The following CCDC141 variants were observed in gnomAD, a reference collection of about 807,000 sequenced individuals.
The protein encoded by CCDC141 is coiled-coil domain containing 141, also known as coiled-coil domain-containing protein 141.
CCDC141 carries 168 observed loss-of-function variants against 181.0 expected under a neutral mutation model. That is an observed-to-expected ratio of 0.93 (90% CI 0.82 to 1.05). The LOEUF (loss-of-function observed/expected upper bound fraction) is 1.05. Ranked by LOEUF, CCDC141 falls within the 50% of genes least tolerant of loss-of-function variation. The pLI is 0.00. For synonymous variants in CCDC141, 666 were observed against 642.3 expected (o/e 1.04, Z -0.56); for missense variants, 1,902 against 1,788.5 (o/e 1.06, Z -1.14).
At chr2:178,941,337 C>G (rs747869505) in intron 6 of CCDC141, among the ~76,000 whole-genome samples, 1 of 152,180 alleles carries the variant, frequency 6.6e-6, no homozygotes, top group Non-Finnish European at 1.5e-5. Context: ...GGGGGTCTCT[C>G]TAACCCCATA....
chr2:178,818,748 T>C, the CCDC141 span, among the ~76,000 whole-genome samples: 1 of 152,232 alleles, frequency 6.6e-6, no homozygotes, highest in Non-Finnish European at 1.5e-5. Flanking sequence ...TACATGGGCA[T>C]GTATCTTTAT....
intron 6 of CCDC141, among the ~76,000 whole-genome samples, chr2:178,936,665 A>C (rs1485412077): frequency 6.6e-6 from 1 of 152,152 alleles, no homozygotes; most frequent in Non-Finnish European, 1.5e-5. Context: ...AATAGCATTG[A>C]ATCTGTAAAT....
chr2:178,861,838 G>A (rs1685634942), intron 17 of CCDC141, among the ~76,000 whole-genome samples: 1 of 151,956 alleles, frequency 6.6e-6, no homozygotes, highest in Admixed American at 6.6e-5. Flanking sequence ...TGAATATAAT[G>A]GAGTCCTTTT....
intron 22 of CCDC141, among the ~76,000 whole-genome samples, chr2:178,842,422 A>G (rs1370189931): frequency 1.3e-5 from 2 of 152,194 alleles, no homozygotes; most frequent in Non-Finnish European, 2.9e-5. Context: ...TTAATACTAA[A>G]TCTATTAGCT....
At chr2:178,884,812 C>T (rs1054701828) in intron 11 of CCDC141, 89 bp downstream of exon 11, 3 of 1,041,298 alleles carry the variant, frequency 2.9e-6, no homozygotes, top group South Asian at 3.3e-5. Context: ...TATGGACCTA[C>T]CCACCAAGGC....
intron 11 of CCDC141, among the ~76,000 whole-genome samples, chr2:178,880,727 T>C (rs1053826743): frequency 2.0e-5 from 3 of 151,940 alleles, no homozygotes; most frequent in African/African-American, 7.3e-5. Flanking sequence ...AAACATAGGG[T>C]GTTATAAGAA....
intron 5 of CCDC141, among the ~76,000 whole-genome samples, chr2:178,959,201 G>A (rs1690289564): frequency 6.6e-6 from 1 of 151,858 alleles, no homozygotes; most frequent in South Asian, 2.1e-4. Context: ...TAAATGATGA[G>A]TTAATGGGTG....
chr2:178,836,198 GTGATCCAAAACCA>G (rs1172794396), intron 23 of CCDC141: 1 of 152,198 alleles, frequency 6.6e-6, no homozygotes, highest in South Asian at 2.1e-4. Context: ...CCAATAGTAG[GTGATCCAAAACCA>G]GTATTCTACA....
intron 7 of CCDC141, among the ~76,000 whole-genome samples, chr2:178,911,736 C>G (rs567224096): frequency 6.6e-6 from 1 of 152,286 alleles, no homozygotes; most frequent in East Asian, 1.9e-4. Flanking sequence ...TTTTTTGAAC[C>G]TATGTGACAC....
At position 178,856,327 on chromosome 2, in the gene CCDC141, T is replaced by TC. The variant is rs1261318822; in HGVS notation, c.2794dup (p.Glu932GlyfsTer10). The TC allele has an allele frequency of 6.2e-7, 1 of 1,611,216 alleles. No individual in the cohort carries two copies. Among genetic ancestry groups the TC allele is most frequent in the Non-Finnish European group, 8.5e-7 (1 of 1,178,298 alleles). On this transcript the variant is annotated frameshift_variant, in exon 18 of 24. Transcript: ENST00000443758. LOFTEE classifies it high-confidence loss of function. ...AAGCGCCTTCAGATTCCGAGATTTT[T>TC]CATTTTTCTTAGTGTAATTAAACTT...
intron 2 of CCDC141, among the ~76,000 whole-genome samples, chr2:179,021,002 G>C (rs906395840): frequency 6.6e-6 from 1 of 152,260 alleles, no homozygotes; most frequent in South Asian, 2.1e-4. Flanking sequence ...GCATGTGATT[G>C]TTAGCACATC....
intron 2 of CCDC141, among the ~76,000 whole-genome samples, chr2:178,990,343 A>G (rs1457797889): frequency 3.3e-5 from 5 of 152,024 alleles, no homozygotes; most frequent in Admixed American, 3.3e-4. Flanking sequence ...GCATATATCC[A>G]CAGGAATTAA....
chr2:179,047,434 C>G, intron 1 of CCDC141, 28 bp from the exon 2 acceptor site: 1 of 1,475,184 alleles, frequency 6.8e-7, no homozygotes, highest in Non-Finnish European at 9.0e-7. Flanking sequence ...ATAAAATGCA[C>G]TTTTAGTTCC....
intron 6 of CCDC141, among the ~76,000 whole-genome samples, chr2:178,930,223 A>G (rs79901894): frequency 0.047 from 7,121 of 152,240 alleles, 214 homozygotes; most frequent in South Asian, 0.079. Flanking sequence ...AGCATCAAAA[A>G]AAGTAAAATA....
Position 178,834,428 on chromosome 2 carries a change from G to T in CCDC141, c.4338C>A (p.Gly1446=), listed in dbSNP as rs948423322. The change falls in exon 24 of 24, where the codon GGC becomes GGA. Residue 1446 remains glycine, a synonymous_variant. Transcript: ENST00000443758. ...AGTGCCCATCTGCAGACAATTTCTG[G>T]CCCTTCTTGTACCTGAAGCAGAGAG... is the stretch of plus-strand genomic sequence containing the variant. ...PEPTLTWYKK[G]QKLSADGHLQ... The T allele has an allele frequency of 1.3e-6, 2 of 1,535,964 alleles. No homozygotes were observed. Among genetic ancestry groups the T allele is most frequent in the African/African-American group, 2.7e-5 (2 of 72,982 alleles).
At chr2:179,040,978 C>T (rs2043280787) in intron 2 of CCDC141, among the ~76,000 whole-genome samples, 1 of 152,194 alleles carries the variant, frequency 6.6e-6, no homozygotes, top group East Asian at 1.9e-4. Context: ...TACAATTCAA[C>T]AATGATTCAA....
intron 8 of CCDC141, among the ~76,000 whole-genome samples, chr2:178,889,925 A>G (rs960091450): frequency 1.3e-5 from 2 of 152,204 alleles, no homozygotes; most frequent in Non-Finnish European, 2.9e-5. Context: ...TCTTAACAAC[A>G]CTAAATTCCA....
At position 179,047,784 on chromosome 2, in the gene CCDC141, T is replaced by C. The variant is rs555961958; in HGVS notation, c.103-378A>G. Among the ~76,000 whole-genome samples, 5 of 152,328 alleles carry C rather than the reference T, an allele frequency of 3.3e-5. No individual in the cohort carries two copies. The South Asian group carries it at 6.2e-4, about 19-fold the overall frequency. Reference sequence around the variant, plus strand: ...CTCACAAAACTGAACTCAATAAAAATAGTGAAATTCCACTTGGGCAGGTAG... The same window carrying C: ...CTCACAAAACTGAACTCAATAAAAACAGTGAAATTCCACTTGGGCAGGTAG... On this transcript the variant is annotated intron_variant, in intron 1 of 23. Transcript: ENST00000443758.
intron 1 of CCDC141, among the ~76,000 whole-genome samples, chr2:179,048,728 C>G (rs1265544645): frequency 6.6e-6 from 1 of 152,134 alleles, no homozygotes; most frequent in African/African-American, 2.4e-5. Flanking sequence ...GTGAGGAAGT[C>G]AGCAGAGGCC....
Sources: gnomAD v4.1 joint callset for allele counts (sites outside exome capture counted in the v4.1 genomes callset) on GRCh38, gnomAD v4.1.1 for gene constraint, MANE v1.5 for transcripts, NCBI Gene and HGNC (gene_info 2026-07-23, HGNC 2026-07-21) for gene names.